The following TPPP variants were observed in gnomAD, a reference collection of about 807,000 sequenced individuals.
TPPP encodes the protein tubulin polymerization promoting protein.
Under a neutral mutation model 15.5 loss-of-function variants are expected in TPPP, and 6 were observed. That is an observed-to-expected ratio of 0.39 (90% CI 0.21 to 0.77). The LOEUF (loss-of-function observed/expected upper bound fraction) is 0.77. Among genes scored for constraint, TPPP ranks in the 30% least tolerant of loss-of-function variants. The probability of loss-of-function intolerance (pLI) is 0.42; values close to 1 mark genes in which losing one functional copy is unlikely to be tolerated. For synonymous variants in TPPP, 146 were observed against 133.9 expected (o/e 1.09, Z -0.63); for missense variants, 269 against 307.2 (o/e 0.88, Z 0.93).
At chr5:700,616 T>C in the TPPP span, among the ~76,000 whole-genome samples, 1,781 of 151,920 alleles carry the variant, frequency 0.012, 52 homozygotes, top group African/African-American at 0.034. Context: ...TCTTAAATAA[T>C]TGCATCTCAG....
chr5:669,446 C>G (rs545521188), intron 2 of TPPP, among the ~76,000 whole-genome samples: 1 of 152,274 alleles, frequency 6.6e-6, no homozygotes, highest in South Asian at 2.1e-4. Flanking sequence ...ACTGACAGTG[C>G]CCATTGGGCC....
rs370083629 is a variant in TPPP at position 685,984 on chromosome 5, C to A, written c.-5+7294G>T. 2.2e-3 allele frequency among the ~76,000 whole-genome samples: 335 copies of A among 152,298 alleles called. 1 individual carries two copies. Among genetic ancestry groups the A allele is most frequent in the African/African-American group, 7.6e-3 (314 of 41,562 alleles). On this transcript the variant is annotated intron_variant, in intron 1 of 3. Coordinates refer to ENST00000360578, the MANE Select transcript of TPPP (RefSeq NM_007030.3). Reference sequence around the variant, plus strand: ...GCCACCAACTTTGCCACCGAATGGCCACCATGGGATGGAGGTGCCAACAGG... The same window carrying A: ...GCCACCAACTTTGCCACCGAATGGCAACCATGGGATGGAGGTGCCAACAGG...
At position 692,496 on chromosome 5, in the gene TPPP, A is replaced by T. The variant is rs1385194368; in HGVS notation, c.-5+782T>A. The T allele has an allele frequency of 1.4e-5, 8 of 552,604 alleles. No individual in the cohort carries two copies. The African/African-American group carries it at 1.8e-4, about 12-fold the overall frequency. 34.2% of individuals were successfully genotyped at this position (552,604 alleles called of 1,614,324 possible). On this transcript the variant is annotated intron_variant, in intron 1 of 3. Transcript: ENST00000360578. Reference sequence around the variant, plus strand: ...CCCCCCAAACCCCCATCAAGACAACAGCCCCCCCAAAACCCTTATCAAAAC... The same window carrying T: ...CCCCCCAAACCCCCATCAAGACAACTGCCCCCCCAAAACCCTTATCAAAAC...
At position 663,112 on chromosome 5, in the gene TPPP, C is replaced by T. The variant is rs1314564246; in HGVS notation, c.*1990G>A. ...TGATTGGGCGATTCCGGTGGCCGCT[C>T]GTCTGTGATCGGGCGATTCCGGTGA... On this transcript the variant is annotated 3_prime_UTR_variant, in exon 4 of 4. Transcript: ENST00000360578. The T allele has an allele frequency of 7.3e-6, 1 of 136,524 alleles. No individual in the cohort carries two copies. The highest frequency in any genetic ancestry group is 2.0e-4 in the East Asian group (1 of 5,108). 8.5% of individuals were successfully genotyped at this position (136,524 alleles called of 1,614,324 possible).
intron 1 of TPPP, among the ~76,000 whole-genome samples, chr5:679,413 G>T (rs1403227916): frequency 9.1e-6 from 1 of 109,614 alleles, no homozygotes; most frequent in African/African-American, 3.8e-5. Context: ...AGGATCCTGG[G>T]GGTGGAAGGG....
Position 663,353 on chromosome 5 carries a change from G to A in TPPP, c.*1749C>T, listed in dbSNP as rs1212736337. 6.6e-6 allele frequency: 1 copy of A among 152,470 alleles called. No homozygotes were observed. Among genetic ancestry groups the A allele is most frequent in the East Asian group, 1.9e-4 (1 of 5,336 alleles). The allele number at this position is 152,470 out of a possible 1,614,324, so 9.4% of individuals were successfully genotyped here. ...CACCCCCCGCCTTCCCCAGGCCGGT[G>A]AGGTGACATCCTAAAGGAGCCACGA... On this transcript the variant is annotated 3_prime_UTR_variant, in exon 4 of 4. Coordinates refer to ENST00000360578, the MANE Select transcript of TPPP (RefSeq NM_007030.3).
At chr5:675,129 GC>G (rs1221869267) in intron 2 of TPPP, among the ~76,000 whole-genome samples, 1 of 140,262 alleles carries the variant, frequency 7.1e-6, no homozygotes. Context: ...GTACAGTGTG[GC>G]CAGGGGTGCA....
chr5:680,736 C>T (rs1398381529), intron 1 of TPPP, among the ~76,000 whole-genome samples: 3 of 151,936 alleles, frequency 2.0e-5, no homozygotes, highest in East Asian at 1.9e-4. Flanking sequence ...AGGGGTCTCA[C>T]GTGGGGACTC....
chr5:675,483 G>T (rs1445583360), intron 2 of TPPP, among the ~76,000 whole-genome samples: 30 of 71,110 alleles, frequency 4.2e-4, no homozygotes, highest in African/African-American at 3.3e-3. Flanking sequence ...AGTGTGGCCA[G>T]GGGTACATTG....
intron 2 of TPPP, among the ~76,000 whole-genome samples, chr5:675,434 GGTGGGT>G (rs1740389342): frequency 9.2e-6 from 1 of 108,928 alleles, no homozygotes; most frequent in African/African-American, 3.1e-5. Context: ...GGTGCAGCAC[GGTGGGT>G]GCAGTGTGGC....
At chr5:694,215 C>T (rs1462200425), upstream of TPPP, among the ~76,000 whole-genome samples, 1 of 151,796 alleles carries the variant, frequency 6.6e-6, no homozygotes, top group Non-Finnish European at 1.5e-5. Flanking sequence ...CCCGGCCCTC[C>T]GCAGGAGTTG....
chr5:671,071 T>G (rs537621078), intron 2 of TPPP, among the ~76,000 whole-genome samples: 1 of 152,194 alleles, frequency 6.6e-6, no homozygotes, highest in Non-Finnish European at 1.5e-5. Context: ...ACACCCACCA[T>G]GAAGCCCCCA....
chr5:693,020 G>A (rs1287698158), intron 1 of TPPP, among the ~76,000 whole-genome samples: 1 of 150,860 alleles, frequency 6.6e-6, no homozygotes, highest in Non-Finnish European at 1.5e-5. Context: ...CCTGTCCCTG[G>A]CGCGGCCGAC....
intron 2 of TPPP, among the ~76,000 whole-genome samples, chr5:674,092 G>A (rs76605050): frequency 0.015 from 2,278 of 152,342 alleles, 55 homozygotes; most frequent in African/African-American, 0.052. Flanking sequence ...CAGGGCTGAC[G>A]GCCCCTGGAC....
intron 1 of TPPP, among the ~76,000 whole-genome samples, chr5:685,103 GA>G (rs1740732321): frequency 6.6e-6 from 1 of 152,214 alleles, no homozygotes. Context: ...CACTGGTCCT[GA>G]GAGGTCACTG....
chr5:698,691 A>G, the TPPP span, among the ~76,000 whole-genome samples: 4 of 151,968 alleles, frequency 2.6e-5, no homozygotes, highest in Non-Finnish European at 5.9e-5. Flanking sequence ...ATTGTCTCCT[A>G]GCTGGTCCCT....
At chr5:687,326 C>G (rs1740793046) in intron 1 of TPPP, among the ~76,000 whole-genome samples, 1 of 132,770 alleles carries the variant, frequency 7.5e-6, no homozygotes, top group Non-Finnish European at 1.7e-5. Flanking sequence ...CTCAGCACCC[C>G]TCATGGGGAA....
intron 1 of TPPP, among the ~76,000 whole-genome samples, chr5:684,540 G>A (rs1278763500): frequency 6.6e-6 from 1 of 151,872 alleles, no homozygotes; most frequent in Non-Finnish European, 1.5e-5. Context: ...GGAGTGGACA[G>A]AGCCCCTGTG....
intron 2 of TPPP, among the ~76,000 whole-genome samples, chr5:669,480 G>A (rs1428978026): frequency 5.3e-5 from 8 of 152,112 alleles, no homozygotes; most frequent in Non-Finnish European, 1.2e-4. Context: ...GACTCTCTGG[G>A]GCCCTTGGGG....
Sources: gnomAD v4.1 joint callset for allele counts (sites outside exome capture counted in the v4.1 genomes callset) on GRCh38, gnomAD v4.1.1 for gene constraint, MANE v1.5 for transcripts, NCBI Gene and HGNC (gene_info 2026-07-23, HGNC 2026-07-21) for gene names.